The following MAST2 variants were observed in gnomAD, a reference collection of about 807,000 sequenced individuals.
MAST2 encodes microtubule-associated serine/threonine-protein kinase 2.
A neutral mutation model predicts 147.4 loss-of-function variants in MAST2; 70 were observed. That is an observed-to-expected ratio of 0.47 (90% CI 0.39 to 0.58). The LOEUF is 0.58. MAST2 is among the 20% of genes least tolerant of loss of function. MAST2 has a pLI of 0.00. For synonymous variants in MAST2, 869 were observed against 896.8 expected (o/e 0.97, Z 0.55); for missense variants, 2,080 against 2,302.3 (o/e 0.90, Z 1.98).
chr1:45,971,650 G>A (rs1163385861), intron 5 of MAST2, among the ~76,000 whole-genome samples: 1 of 152,290 alleles, frequency 6.6e-6, no homozygotes, highest in East Asian at 1.9e-4. Context: ...GATGCTTAAA[G>A]GAATTCTCTT....
intron 3 of MAST2, among the ~76,000 whole-genome samples, chr1:45,830,336 C>T (rs1404091271): frequency 6.6e-6 from 1 of 151,532 alleles, no homozygotes; most frequent in East Asian, 1.9e-4. Flanking sequence ...CACCATACCC[C>T]GCTAGTTTTT....
At chr1:46,008,216 C>T in intron 8 of MAST2, 80 bp from the exon 9 acceptor site, 1 of 881,712 alleles carries the variant, frequency 1.1e-6, no homozygotes, top group South Asian at 1.4e-5. Context: ...GTGGGAGGGG[C>T]AGGGTCTCTG....
chr1:45,906,293 C>G (rs1237376626), intron 4 of MAST2, among the ~76,000 whole-genome samples: 2 of 152,060 alleles, frequency 1.3e-5, no homozygotes, highest in Non-Finnish European at 2.9e-5. Flanking sequence ...AAAGTGACAT[C>G]TTGATGATCC....
chr1:45,979,820 A>G (rs1644326477), intron 5 of MAST2, among the ~76,000 whole-genome samples: 1 of 152,192 alleles, frequency 6.6e-6, no homozygotes, highest in Non-Finnish European at 1.5e-5. Context: ...TGACAGAATA[A>G]GACCCTACCT....
chr1:46,024,488 CCTT>C (rs1190616535), intron 15 of MAST2: 3 of 182,420 alleles, frequency 1.6e-5, no homozygotes, highest in Non-Finnish European at 2.4e-5. Context: ...TTCCCTCTCA[CCTT>C]CTCACTGTGT....
chr1:45,810,255 CT>C (rs776304688), intron 1 of MAST2, among the ~76,000 whole-genome samples: 7 of 152,182 alleles, frequency 4.6e-5, no homozygotes, highest in Non-Finnish European at 1.0e-4. Flanking sequence ...ATGAGTTCAA[CT>C]TTAGTTCCTA....
At chr1:45,816,961 G>A (rs1314594542) in intron 1 of MAST2, among the ~76,000 whole-genome samples, 3 of 152,176 alleles carry the variant, frequency 2.0e-5, no homozygotes, top group African/African-American at 7.2e-5. Context: ...ACAGGCGTGA[G>A]CCACAGTGCC....
chr1:45,844,112 G>GTT (rs1645358100), intron 3 of MAST2, among the ~76,000 whole-genome samples: 1 of 150,770 alleles, frequency 6.6e-6, no homozygotes, highest in Non-Finnish European at 1.5e-5. Context: ...TTTTGTTTTT[G>GTT]TTTTTGAGAC....
intron 3 of MAST2, among the ~76,000 whole-genome samples, chr1:45,848,446 C>T (rs1645514210): frequency 6.6e-6 from 1 of 152,216 alleles, no homozygotes; most frequent in Admixed American, 6.5e-5. Context: ...ACTTTGGACA[C>T]TGAGTCTTTG....
chr1:45,952,185 A>G (rs1339975167), intron 4 of MAST2, among the ~76,000 whole-genome samples: 1 of 152,262 alleles, frequency 6.6e-6, no homozygotes, highest in African/African-American at 2.4e-5. Context: ...ATACCTTGTC[A>G]TTTTATGAAA....
chr1:45,951,019 A>G (rs2148862008), intron 4 of MAST2, among the ~76,000 whole-genome samples: 1 of 151,448 alleles, frequency 6.6e-6, no homozygotes, highest in Admixed American at 6.6e-5. Context: ...GGAGTTCAAG[A>G]CCAGCCTGAA....
chr1:45,971,563 G>T (rs896683208), intron 5 of MAST2, among the ~76,000 whole-genome samples: 1 of 152,208 alleles, frequency 6.6e-6, no homozygotes, highest in African/African-American at 2.4e-5. Flanking sequence ...AGCACCAAGA[G>T]CCTGTTCTTT....
At chr1:45,867,313 G>T (rs1171561324) in intron 3 of MAST2, among the ~76,000 whole-genome samples, 1 of 152,158 alleles carries the variant, frequency 6.6e-6, no homozygotes, top group Non-Finnish European at 1.5e-5. Context: ...TAAATATTTG[G>T]CTTCGCTAAT....
intron 7 of MAST2, among the ~76,000 whole-genome samples, chr1:46,003,906 C>G (rs909287424): frequency 6.6e-6 from 1 of 152,196 alleles, no homozygotes; most frequent in African/African-American, 2.4e-5. Flanking sequence ...CCATTACTTG[C>G]AGCATTCTTC....
intron 3 of MAST2, among the ~76,000 whole-genome samples, chr1:45,831,972 G>T (rs1450742849): frequency 6.6e-6 from 1 of 152,026 alleles, no homozygotes; most frequent in East Asian, 1.9e-4. Flanking sequence ...TAGAGATGGG[G>T]TTTCACCATG....
intron 11 of MAST2, among the ~76,000 whole-genome samples, chr1:46,020,785 T>G (rs958549831): frequency 6.6e-6 from 1 of 152,242 alleles, no homozygotes; most frequent in African/African-American, 2.4e-5. Context: ...AAACCATGTT[T>G]CTGTGTGGTT....
intron 6 of MAST2, among the ~76,000 whole-genome samples, chr1:45,998,748 G>A (rs1262970612): frequency 4.7e-5 from 7 of 147,530 alleles, no homozygotes; most frequent in Admixed American, 1.3e-4. Flanking sequence ...TTTTTTTTGA[G>A]ACGGAGTCTC....
intron 12 of MAST2, 34 bp downstream of exon 12, chr1:46,022,116 C>T (rs1284717826): frequency 2.5e-6 from 4 of 1,611,058 alleles, no homozygotes; most frequent in Non-Finnish European, 2.5e-6. Flanking sequence ...CAAAGAGGCC[C>T]CACTGCTGCT....
chr1:45,948,707 A>C (rs1269785070), intron 4 of MAST2, among the ~76,000 whole-genome samples: 1 of 6,540 alleles, frequency 1.5e-4, no homozygotes, highest in Non-Finnish European at 3.5e-4. Context: ...ACTCCATCTC[A>C]AAAAAAAAAA....
Sources: allele counts gnomAD v4.1 joint callset (sites outside exome capture counted in the v4.1 genomes callset), GRCh38; gene constraint gnomAD v4.1.1; transcripts MANE v1.5; gene names NCBI Gene and HGNC (gene_info 2026-07-23, HGNC 2026-07-21).